The following GORAB variants were observed in gnomAD, a reference collection of about 807,000 sequenced individuals.
GORAB encodes golgin, RAB6 interacting.
In GORAB, 17 loss-of-function variants were observed where a neutral mutation model predicts 29.9. That is an observed-to-expected ratio of 0.57 (90% CI 0.39 to 0.85). The LOEUF (loss-of-function observed/expected upper bound fraction) is 0.85. Ranked by LOEUF, GORAB falls within the 40% of genes least tolerant of loss-of-function variation. GORAB has a pLI of 0.00. For missense variants in GORAB, 442 were observed against 437.8 expected (o/e 1.01, Z -0.09); for synonymous variants, 183 against 157.2 (o/e 1.16, Z -1.23).
intron 1 of GORAB, among the ~76,000 whole-genome samples, chr1:170,538,881 C>A (rs1649215543): frequency 6.6e-6 from 1 of 152,066 alleles, no homozygotes; most frequent in Non-Finnish European, 1.5e-5. Context: ...CTGATTTGGT[C>A]AAAATTAGTT....
intron 2 of GORAB, among the ~76,000 whole-genome samples, chr1:170,541,486 G>A (rs1649422390): frequency 6.6e-6 from 1 of 152,026 alleles, no homozygotes; most frequent in South Asian, 2.1e-4. Flanking sequence ...GGAGATGCCT[G>A]CAGTAGTAAA....
chr1:170,532,354 C>G lies in GORAB; in HGVS notation c.61+70C>G. 3 of 1,529,070 alleles carry G rather than the reference C, an allele frequency of 2.0e-6. No individual in the cohort carries two copies. In the South Asian group the frequency reaches 3.4e-5, roughly 17 times the overall value. The allele number at this position is 1,529,070 out of a possible 1,614,324, so 94.7% of individuals were successfully genotyped here. On this transcript the variant is annotated intron_variant, in intron 1 of 4. Coordinates refer to ENST00000367763, the MANE Select transcript of GORAB (RefSeq NM_152281.3). Reference sequence around the variant, plus strand: ...GGAAGAGGCGGGGATGCAGCTTTGGCGGGGAAAGGGGGCGTGGAAGCGGCT... The same window carrying G: ...GGAAGAGGCGGGGATGCAGCTTTGGGGGGGAAAGGGGGCGTGGAAGCGGCT...
At chr1:170,551,892 T>C in intron 4 of GORAB, 123 bp from the exon 5 acceptor site, 1 of 818,942 alleles carries the variant, frequency 1.2e-6, no homozygotes, top group Non-Finnish European at 2.0e-6. Flanking sequence ...AAAGTAGTAA[T>C]ATCCGTATCT....
chr1:170,536,832 T>G (rs1571240291), intron 1 of GORAB, among the ~76,000 whole-genome samples: 1 of 152,320 alleles, frequency 6.6e-6, no homozygotes, highest in African/African-American at 2.4e-5. Flanking sequence ...ACCCTTTTTA[T>G]AAAGTCAAAC....
At chr1:170,548,675 A>T (rs1649910217) in intron 4 of GORAB, among the ~76,000 whole-genome samples, 2 of 152,236 alleles carry the variant, frequency 1.3e-5, no homozygotes, top group Admixed American at 1.3e-4. Context: ...CTCAACAATG[A>T]TAAGTTATTG....
At chr1:170,533,210 C>T (rs189988501) in intron 1 of GORAB, among the ~76,000 whole-genome samples, 1 of 152,126 alleles carries the variant, frequency 6.6e-6, no homozygotes, top group African/African-American at 2.4e-5. Flanking sequence ...GGATGTTGCT[C>T]TGGTAGCTTG....
chr1:170,532,330 G>A, intron 1 of GORAB, 46 bp downstream of exon 1: 2 of 1,598,784 alleles, frequency 1.3e-6, no homozygotes, highest in Non-Finnish European at 1.7e-6. Context: ...GTCTTAAGGG[G>A]AAGAGGCGGG....
At chr1:170,532,662 A>C in intron 1 of GORAB, 1 of 266,414 alleles carries the variant, frequency 3.8e-6, no homozygotes, top group South Asian at 4.3e-5. Flanking sequence ...GGAGGGGCGC[A>C]CACCGTATTA....
chr1:170,538,833 A>G (rs1649211875), intron 1 of GORAB, among the ~76,000 whole-genome samples: 1 of 152,230 alleles, frequency 6.6e-6, no homozygotes, highest in Non-Finnish European at 1.5e-5. Flanking sequence ...AGACAGAACC[A>G]TAAATCAAAT....
In GORAB at chr1:170,553,255, ATG is replaced by A. The variant is rs1374965942; in HGVS notation, c.*795_*796del. On this transcript the variant is annotated 3_prime_UTR_variant, in exon 5 of 5. Coordinates refer to ENST00000367763, the MANE Select transcript of GORAB (RefSeq NM_152281.3). The stretch of plus-strand genomic sequence containing the variant: ...GCTACTTGTGATTATCAAAAAAAGT[ATG>A]TATTTTCTTTCTAAAGTTATCTATA... The A allele has an allele frequency of 2.7e-5, 12 of 447,398 alleles. No individual in the cohort carries two copies. Among genetic ancestry groups the A allele is most frequent in the African/African-American group, 1.6e-4 (8 of 49,734 alleles). 27.7% of individuals were successfully genotyped at this position (447,398 alleles called of 1,614,324 possible).
intron 1 of GORAB, 83 bp from the exon 2 acceptor site, chr1:170,539,123 TTTAA>T: frequency 6.6e-7 from 1 of 1,515,234 alleles, no homozygotes; most frequent in Non-Finnish European, 9.1e-7. Context: ...ATTATCAACG[TTTAA>T]TGTTAATTTT....
intron 3 of GORAB, among the ~76,000 whole-genome samples, chr1:170,543,768 G>A (rs2101826408): frequency 6.6e-6 from 1 of 152,026 alleles, no homozygotes; most frequent in South Asian, 2.1e-4. Context: ...TCTCATAAGT[G>A]CTTTTGATTT....
At position 170,539,510 on chromosome 1, in the gene GORAB, A is replaced by G. The variant is rs1190026167; in HGVS notation, c.362A>G (p.Asn121Ser). The change falls in exon 2 of 5, where the codon AAT (asparagine) becomes AGT (serine). Residue 121 changes from asparagine to serine, a missense_variant. Coordinates refer to ENST00000367763, the MANE Select transcript of GORAB (RefSeq NM_152281.3). Reference protein sequence around the residue: ...GLENSHDGHNNVEILPPKPDC... With the variant: ...GLENSHDGHNSVEILPPKPDC... ...GAGAATTCCCATGATGGTCACAACA[A>G]TGTTGAGATTCTACCTCCAAAGCCA... The G allele has an allele frequency of 3.1e-6, 5 of 1,613,902 alleles. No individual in the cohort carries two copies. The highest frequency in any genetic ancestry group is 3.4e-6 in the Non-Finnish European group (4 of 1,179,818).
At position 170,552,219 on chromosome 1, in the gene GORAB, C is replaced by T. The variant is rs760452424; in HGVS notation, c.867C>T (p.Val289=). The change falls in exon 5 of 5, where the codon GTC becomes GTT. Residue 289 remains valine (V), a synonymous_variant. Coordinates refer to ENST00000367763, the MANE Select transcript of GORAB (RefSeq NM_152281.3). ...DEETLELEVE[V]ERLLHEQEVE... Reference sequence around the variant, plus strand: ...AGACTTTGGAGCTTGAGGTGGAGGTCGAGAGATTGCTACACGAACAAGAAG... The same window carrying T: ...AGACTTTGGAGCTTGAGGTGGAGGTTGAGAGATTGCTACACGAACAAGAAG... 5.0e-6 allele frequency: 8 copies of T among 1,613,902 alleles called. No individual in the cohort carries two copies. In the African/African-American group the frequency reaches 5.3e-5, roughly 11 times the overall value.
At chr1:170,544,659 G>T (rs1271720234) in intron 3 of GORAB, 46 bp from the exon 4 acceptor site, 2 of 1,560,554 alleles carry the variant, frequency 1.3e-6, no homozygotes, top group Non-Finnish European at 1.8e-6. Flanking sequence ...TGGACACATG[G>T]TTTTAAAATG....
chr1:170,550,944 A>C (rs895122705), intron 4 of GORAB, among the ~76,000 whole-genome samples: 13 of 152,214 alleles, frequency 8.5e-5, no homozygotes, highest in Non-Finnish European at 1.9e-4. Context: ...GTACTGACCT[A>C]ATGCAGAAGA....
At chr1:170,535,399 A>T (rs1648997923) in intron 1 of GORAB, among the ~76,000 whole-genome samples, 1 of 152,212 alleles carries the variant, frequency 6.6e-6, no homozygotes, top group African/African-American at 2.4e-5. Context: ...TTGGAAGAAA[A>T]CAGTACAGCC....
chr1:170,553,809 T>C lies in GORAB; in HGVS notation c.*1347T>C, dbSNP rs1165947765. On this transcript the variant is annotated 3_prime_UTR_variant, in exon 5 of 5. Transcript: ENST00000367763. The stretch of plus-strand genomic sequence containing the variant: ...TTTCATTGTCTAACACACTTCTTTT[T>C]CTAAGGAATAAACAAGTCTGATGTA... The C allele has an allele frequency of 2.2e-6, 1 of 453,106 alleles. No individual in the cohort carries two copies. The highest frequency in any genetic ancestry group is 4.4e-6 in the Non-Finnish European group (1 of 226,598). The allele number at this position is 453,106 out of a possible 1,614,324, so 28.1% of individuals were successfully genotyped here.
At chr1:170,549,446 CCAAGGGACCTGTTCGCAAAT>C (rs1449052838) in intron 4 of GORAB, among the ~76,000 whole-genome samples, 1 of 152,110 alleles carries the variant, frequency 6.6e-6, no homozygotes, top group African/African-American at 2.4e-5. Context: ...TCAATGGAAA[CCAAGGGACCTGTTCGCAAAT>C]GTTAATTTCA....
Sources: gnomAD v4.1 joint callset for allele counts (sites outside exome capture counted in the v4.1 genomes callset) on GRCh38, gnomAD v4.1.1 for gene constraint, MANE v1.5 for transcripts, NCBI Gene and HGNC (gene_info 2026-07-23, HGNC 2026-07-21) for gene names.